Variants in FLT1 observed in about 807,000 individuals in gnomAD.
The protein encoded by FLT1 is fms related receptor tyrosine kinase 1.
In FLT1, 49 loss-of-function variants were observed where a neutral mutation model predicts 156.3. The ratio of observed to expected loss-of-function variants is 0.31; its 90% CI spans 0.25 to 0.40. The LOEUF (loss-of-function observed/expected upper bound fraction) is 0.40, where lower values mean the gene tolerates loss of function less well. Ranked by LOEUF, FLT1 falls within the 10% of genes least tolerant of loss-of-function variation. The pLI is 1.00. For synonymous variants in FLT1, 594 were observed against 583.8 expected (o/e 1.02, Z -0.25); for missense variants, 1,322 against 1,637.2 (o/e 0.81, Z 3.32).
intron 15 of FLT1, among the ~76,000 whole-genome samples, chr13:28,349,051 A>G (rs1305032141): frequency 1.3e-5 from 2 of 152,212 alleles, no homozygotes; most frequent in African/African-American, 4.8e-5. Context: ...GCATGGTTGG[A>G]GCTCACAGTC....
chr13:28,399,855 C>T (rs569246280), intron 11 of FLT1, among the ~76,000 whole-genome samples: 15 of 152,294 alleles, frequency 9.8e-5, no homozygotes, highest in African/African-American at 2.9e-4. Flanking sequence ...TTTGTTTCTG[C>T]GAACCTTTAT....
rs1187452670 is a variant in FLT1 at position 28,322,445 on chromosome 13, A to G, written c.2954-86T>C. 3.3e-6 allele frequency: 3 copies of G among 917,676 alleles called. No homozygotes were observed. The highest frequency in any genetic ancestry group is 1.8e-5 in the Admixed American group (1 of 54,570). 56.8% of individuals were successfully genotyped at this position (917,676 alleles called of 1,614,324 possible). ...TTTATTGGAACAATGTTAGCAAAACATAAAACAAACCAACAAGTAGATCAG... is the reference window on the plus strand; with the variant it reads ...TTTATTGGAACAATGTTAGCAAAACGTAAAACAAACCAACAAGTAGATCAG... On this transcript the variant is annotated intron_variant, in intron 21 of 29. Coordinates refer to ENST00000282397, the MANE Select transcript of FLT1 (RefSeq NM_002019.4). The surrounding 1 kb of genome is among the most constrained non-coding windows in gnomAD (Gnocchi z 4.3).
At chr13:28,303,911 G>C (rs924387735) in intron 29 of FLT1, among the ~76,000 whole-genome samples, 12 of 152,132 alleles carry the variant, frequency 7.9e-5, no homozygotes, top group African/African-American at 2.9e-4. Flanking sequence ...TTCTAGAAGA[G>C]GAAACGTTTT....
intron 15 of FLT1, 78 bp downstream of exon 15, chr13:28,357,476 C>T: frequency 1.4e-6 from 2 of 1,447,514 alleles, no homozygotes; most frequent in Non-Finnish European, 1.9e-6. Context: ...CAGCAGGAGA[C>T]TGGGAGGTGG....
At chr13:28,325,816 CA>C (rs377427677) in intron 20 of FLT1, among the ~76,000 whole-genome samples, 2,468 of 71,066 alleles carry the variant, frequency 0.035, 43 homozygotes, top group African/African-American at 0.13. Context: ...AACTCTGTCT[CA>C]AAAAAAAAAA....
intron 3 of FLT1, among the ~76,000 whole-genome samples, chr13:28,462,396 A>G (rs768668034): frequency 1.3e-5 from 2 of 152,226 alleles, no homozygotes; most frequent in Non-Finnish European, 2.9e-5. Flanking sequence ...CAAGGGGATG[A>G]AGTTCACTTA....
intron 28 of FLT1, among the ~76,000 whole-genome samples, chr13:28,307,934 G>C (rs567516294): frequency 2.0e-5 from 3 of 152,302 alleles, no homozygotes; most frequent in African/African-American, 7.2e-5. Flanking sequence ...ACCACGCCCA[G>C]CTAATTTTTT....
Position 28,452,362 on chromosome 13 carries a change from T to C in FLT1, c.389-14017A>G, listed in dbSNP as rs1171277092. On this transcript the variant is annotated intron_variant, in intron 3 of 29. Transcript: ENST00000282397. ...CTTTTCTGTAAAGGAATTTCTCTTA[T>C]TGGGTTGTTTCGAGGATGAAATGAG... is the stretch of plus-strand genomic sequence containing the variant. Among the ~76,000 whole-genome samples the C allele has an allele frequency of 2.3e-4, 35 of 152,176 alleles. 1 individual carries two copies. The highest frequency in any genetic ancestry group is 2.3e-3 in the Admixed American group (35 of 15,282).
intron 14 of FLT1, among the ~76,000 whole-genome samples, chr13:28,374,636 C>T (rs1204584291): frequency 1.3e-5 from 2 of 151,662 alleles, no homozygotes; most frequent in Admixed American, 6.6e-5. Flanking sequence ...CTCAGCCTCC[C>T]GAGTAGCTGC....
chr13:28,427,786 C>T lies in FLT1; in HGVS notation c.1242G>A (p.Val414=), dbSNP rs2137539751. The stretch of plus-strand genomic sequence containing the variant: ...TTAGAGTGGCAGTGAGGTTTTTAAA[C>T]ACATTTGACTGTTTTATGCTCAGCA... ...TILLSIKQSN[V]FKNLTATLIV... The change falls in exon 9 of 30, where the codon GTG becomes GTA. Residue 414 remains valine (V), a synonymous_variant. Transcript: ENST00000282397. 2 of 1,613,974 alleles carry T rather than the reference C, an allele frequency of 1.2e-6. No homozygotes were observed. Among genetic ancestry groups the T allele is most frequent in the Non-Finnish European group, 1.7e-6 (2 of 1,179,896 alleles).
intron 1 of FLT1, among the ~76,000 whole-genome samples, chr13:28,470,936 C>A (rs980972712): frequency 6.6e-6 from 1 of 152,106 alleles, no homozygotes; most frequent in South Asian, 2.1e-4. Context: ...GGTGATCCGC[C>A]CACCTCGGCT....
In FLT1 at chr13:28,495,063, C is replaced by G. The variant is rs1268424846; in HGVS notation, c.-220G>C. On this transcript the variant is annotated 5_prime_UTR_variant, in exon 1 of 30. Coordinates refer to ENST00000282397, the MANE Select transcript of FLT1 (RefSeq NM_002019.4). This position sits in a 1 kb window ranked among gnomAD's most constrained non-coding sequence, Gnocchi z 4.1. ...CCCGGAGCCCGCTCCGAGCCGCCGCCGCTGCCGGGGAGGAGCCGAGAGGAG... is the reference window on the plus strand; with the variant it reads ...CCCGGAGCCCGCTCCGAGCCGCCGCGGCTGCCGGGGAGGAGCCGAGAGGAG... The G allele has an allele frequency of 6.4e-6, 3 of 469,722 alleles. No homozygotes were observed. The highest frequency in any genetic ancestry group is 2.1e-5 in the African/African-American group (1 of 48,616). The allele number at this position is 469,722 out of a possible 1,614,324, so 29.1% of individuals were successfully genotyped here.
At chr13:28,400,708 C>T (rs1454263143) in intron 11 of FLT1, among the ~76,000 whole-genome samples, 2 of 152,116 alleles carry the variant, frequency 1.3e-5, no homozygotes, top group Non-Finnish European at 2.9e-5. Context: ...AAAATAGCAT[C>T]ACAGTTAGGG....
At chr13:28,357,868 CTTTTTTTT>C (rs57304530) in intron 14 of FLT1, among the ~76,000 whole-genome samples, 183 bp from the exon 15 acceptor site, 42 of 104,732 alleles carry the variant, frequency 4.0e-4, no homozygotes, top group Non-Finnish European at 6.3e-4. Context: ...CTTTTCTTTC[CTTTTTTTT>C]TTTTTTTTTT....
chr13:28,385,719 G>T lies in FLT1; in HGVS notation c.1970-688C>A, dbSNP rs540649203. ...ATTTTCTCTTAAAACATACAAATAT[G>T]ATACAATACAATTTATTTTAATAAA... On this transcript the variant is annotated intron_variant, in intron 13 of 29. Transcript: ENST00000282397. 1.1e-5 allele frequency: 11 copies of T among 961,780 alleles called. No homozygotes were observed. In the African/African-American group the frequency reaches 1.7e-4, roughly 15 times the overall value. 59.6% of individuals were successfully genotyped at this position (961,780 alleles called of 1,614,324 possible).
chr13:28,403,014 A>G (rs1417561878), intron 11 of FLT1, among the ~76,000 whole-genome samples: 1 of 152,014 alleles, frequency 6.6e-6, no homozygotes, highest in Non-Finnish European at 1.5e-5. Context: ...TCCTGACCTC[A>G]GGTGATCCGC....
Position 28,317,549 on chromosome 13 carries a change from C to T in FLT1, c.3335G>A (p.Arg1112His), listed in dbSNP as rs143726778. Residue 1112 changes from arginine (R) to histidine (H), a missense_variant, in exon 25 of 30, where the codon CGC (arginine) becomes CAC (histidine). Around this residue, in one of 3 missense-constraint regions of FLT1, gnomAD observed 329 missense variants for 366.2 expected, o/e 0.90. Coordinates refer to ENST00000282397, the MANE Select transcript of FLT1 (RefSeq NM_002019.4). ...GVQMDEDFCS[R>H]LREGMRMRAP... ...TCTCATCCTCATGCCTTCCCTCAGG[C>T]GACTGCAAAAGTCCTCATCCATTTG... 45 of 1,613,880 alleles carry T rather than the reference C, an allele frequency of 2.8e-5. No individual in the cohort carries two copies. Among genetic ancestry groups the T allele is most frequent in the Admixed American group, 3.3e-5 (2 of 59,992 alleles).
chr13:28,362,773 G>A (rs1245623439), intron 14 of FLT1, among the ~76,000 whole-genome samples: 1 of 152,176 alleles, frequency 6.6e-6, no homozygotes, highest in East Asian at 1.9e-4. Flanking sequence ...AGAGATGGTA[G>A]CCAGGATGCT....
intron 1 of FLT1, among the ~76,000 whole-genome samples, chr13:28,490,664 A>G (rs948627840): frequency 2.0e-5 from 3 of 152,218 alleles, no homozygotes; most frequent in South Asian, 2.1e-4. Flanking sequence ...ACGAAGGCCA[A>G]TGGAGCAGAA....
Sources: gnomAD v4.1 joint callset for allele counts (sites outside exome capture counted in the v4.1 genomes callset) on GRCh38, gnomAD v4.1.1 for gene constraint, gnomAD v4.1.1 regional missense constraint, Gnocchi (gnomAD v3.1) non-coding constraint, MANE v1.5 for transcripts, NCBI Gene and HGNC (gene_info 2026-07-23, HGNC 2026-07-21) for gene names.